SOD3: variants seen among roughly 807,000 people sequenced by gnomAD.
SOD3 encodes the protein extracellular superoxide dismutase [Cu-Zn].
A neutral mutation model predicts 2.6 loss-of-function variants in SOD3; 3 were observed. The ratio of observed to expected loss-of-function variants is 1.13; its 90% CI spans 0.52 to 2.93. The LOEUF (loss-of-function observed/expected upper bound fraction) is 2.93. Among genes scored for constraint, SOD3 ranks in the 30% most tolerant of loss-of-function variants. SOD3 has a pLI of 0.04. For missense variants in SOD3, 379 were observed against 370.4 expected (o/e 1.02, Z -0.19); for synonymous variants, 188 against 177.5 (o/e 1.06, Z -0.47).
At position 24,799,735 on chromosome 4, in the gene SOD3, G is replaced by C. The variant is rs908712505; in HGVS notation, c.214G>C (p.Asp72His). The C allele has an allele frequency of 6.4e-7, 1 of 1,562,370 alleles. No individual in the cohort carries two copies. Among genetic ancestry groups the C allele is most frequent in the Non-Finnish European group, 8.6e-7 (1 of 1,159,564 alleles). Residue 72 changes from aspartate to histidine, a missense_variant, in exon 2 of 2, where the codon GAC (aspartate) becomes CAC (histidine). By Grantham distance (81) the Asp-to-His change is moderately conservative (BLOSUM62 -1). Transcript: ENST00000382120. Reference sequence around the variant, plus strand: ...CCAGGTGCAGCCGTCGGCCACGCTGGACGCCGCGCAGCCCCGGGTGACCGG... The same window carrying C: ...CCAGGTGCAGCCGTCGGCCACGCTGCACGCCGCGCAGCCCCGGGTGACCGG... ...ACQVQPSATLDAAQPRVTGVV... is the reference protein window; with the variant it reads ...ACQVQPSATLHAAQPRVTGVV...
chr4:24,798,905 G>C (rs999014041), intron 1 of SOD3, among the ~76,000 whole-genome samples: 1 of 152,190 alleles, frequency 6.6e-6, no homozygotes, highest in African/African-American at 2.4e-5. Context: ...GTCCCTCACT[G>C]AACTCCTTAT....
Position 24,799,990 on chromosome 4 carries a change from T to A in SOD3, c.469T>A (p.Trp157Arg), listed in dbSNP as rs1269967037. The part of the protein sequence containing the change: ...GNFAVRDGSL[W>R]RYRAGLAASL... ...CTTCGCGGTCCGCGACGGCAGCCTCTGGAGGTACCGCGCCGGCCTGGCCGC... is the reference window on the plus strand; with the variant it reads ...CTTCGCGGTCCGCGACGGCAGCCTCAGGAGGTACCGCGCCGGCCTGGCCGC... Residue 157 changes from tryptophan to arginine, a missense_variant, in exon 2 of 2, where the codon TGG becomes AGG. Coordinates refer to ENST00000382120, the MANE Select transcript of SOD3 (RefSeq NM_003102.4). 1.3e-6 allele frequency: 2 copies of A among 1,578,040 alleles called. No homozygotes were observed. The highest frequency in any genetic ancestry group is 1.7e-6 in the Non-Finnish European group (2 of 1,170,750).
chr4:24,800,539 A>C lies in SOD3; in HGVS notation c.*295A>C. 3.5e-6 allele frequency: 1 copy of C among 284,900 alleles called. No homozygotes were observed. The allele number at this position is 284,900 out of a possible 1,614,324, so 17.6% of individuals were successfully genotyped here. On this transcript the variant is annotated 3_prime_UTR_variant, in exon 2 of 2. Transcript: ENST00000382120. The stretch of plus-strand genomic sequence containing the variant: ...CCTAGGCTCCCTGAGGTACCTTTCC[A>C]CCCAGACCCTCCTTCCCCACCCCAT...
In SOD3 at chr4:24,800,158, T is replaced by C; in HGVS notation, c.637T>C (p.Cys213Arg). 1 of 1,396,650 alleles carries C rather than the reference T, an allele frequency of 7.2e-7. No homozygotes were observed. The highest frequency in any genetic ancestry group is 9.2e-7 in the Non-Finnish European group (1 of 1,085,530). 86.5% of individuals were successfully genotyped at this position (1,396,650 alleles called of 1,614,324 possible). A position where few individuals can be genotyped will look rare whatever the true frequency, so the allele number is the denominator to read the frequency against. Residue 213 changes from cysteine to arginine, a missense_variant, in exon 2 of 2, where the codon TGC (cysteine) becomes CGC (arginine). Transcript: ENST00000382120. ...RRLACCVVGV[C>R]GPGLWERQAR... ...GCTGGCCTGCTGCGTGGTGGGCGTG[T>C]GCGGGCCCGGGCTCTGGGAGCGCCA...
rs945037659 is a variant in SOD3, at chr4:24,800,765, C to G, written c.*521C>G. 8 of 159,600 alleles carry G rather than the reference C, an allele frequency of 5.0e-5. No homozygotes were observed. Among genetic ancestry groups the G allele is most frequent in the African/African-American group, 1.9e-4 (8 of 41,472 alleles). 9.9% of individuals were successfully genotyped at this position (159,600 alleles called of 1,614,324 possible). A position where few individuals can be genotyped will look rare whatever the true frequency, so the allele number is the denominator to read the frequency against. On this transcript the variant is annotated 3_prime_UTR_variant, in exon 2 of 2. Coordinates refer to ENST00000382120, the MANE Select transcript of SOD3 (RefSeq NM_003102.4). ...GCGTCTTCAGCTGTTTCGCATCCAC[C>G]GCCACCCCACTGAGAGCTGCTCCTT...
intron 1 of SOD3, among the ~76,000 whole-genome samples, chr4:24,796,951 T>C (rs865848574): frequency 5.9e-5 from 9 of 152,232 alleles, no homozygotes; most frequent in South Asian, 2.1e-4. Flanking sequence ...GGGAACTTCA[T>C]GTCCAGGTCT....
At position 24,799,502 on chromosome 4, in the gene SOD3, G is replaced by A. The variant is rs755582421; in HGVS notation, c.-16-4G>A. ...GCCCCCACCTCCGCGGGGGCGTCCCGCAGGTGCCCGACTCCAGCCATGCTG... is the reference window on the plus strand; with the variant it reads ...GCCCCCACCTCCGCGGGGGCGTCCCACAGGTGCCCGACTCCAGCCATGCTG... On this transcript the variant is annotated splice_polypyrimidine_tract_variant and splice_region_variant and intron_variant, in intron 1 of 1. Transcript: ENST00000382120. 3.1e-6 allele frequency: 5 copies of A among 1,595,924 alleles called. No individual in the cohort carries two copies. The highest frequency in any genetic ancestry group is 2.2e-5 in the East Asian group (1 of 44,720).
At chr4:24,796,196 A>G (rs17878863) in intron 1 of SOD3, among the ~76,000 whole-genome samples, 9,178 of 152,220 alleles carry the variant, frequency 0.06, 400 homozygotes, top group Non-Finnish European at 0.088. Context: ...TCTTTCTCTG[A>G]TAACACTGTC....
At chr4:24,795,678 G>C (rs1170877588) in intron 1 of SOD3, 27 bp downstream of exon 1, 1 of 152,376 alleles carries the variant, frequency 6.6e-6, no homozygotes, top group South Asian at 2.1e-4. Context: ...GGTTCATTTT[G>C]TTCTTCTCGG....
Position 24,800,388 on chromosome 4 carries a change from A to T in SOD3, c.*144A>T. The T allele has an allele frequency of 1.2e-6, 1 of 860,654 alleles. No individual in the cohort carries two copies. The highest frequency in any genetic ancestry group is 1.6e-6 in the Non-Finnish European group (1 of 625,070). The allele number at this position is 860,654 out of a possible 1,614,324, so 53.3% of individuals were successfully genotyped here. A position where few individuals can be genotyped will look rare whatever the true frequency, so the allele number is the denominator to read the frequency against. On this transcript the variant is annotated 3_prime_UTR_variant, in exon 2 of 2. Coordinates refer to ENST00000382120, the MANE Select transcript of SOD3 (RefSeq NM_003102.4). ...TCTCCCCGCAGCCCTCTCCACCCAG[A>T]GGTCTCCCTATACCGAGACCCACCA...
At chr4:24,798,051 T>C (rs1212024226) in intron 1 of SOD3, among the ~76,000 whole-genome samples, 6 of 151,642 alleles carry the variant, frequency 4.0e-5, no homozygotes, top group African/African-American at 1.5e-4. Context: ...TTCTTTTCTT[T>C]CTTTCCTCTT....
At position 24,799,787 on chromosome 4, in the gene SOD3, C is replaced by T; in HGVS notation, c.266C>T (p.Pro89Leu). 6.3e-7 allele frequency: 1 copy of T among 1,584,070 alleles called. No homozygotes were observed. The highest frequency in any genetic ancestry group is 8.5e-7 in the Non-Finnish European group (1 of 1,171,692). ...TGVVLFRQLAPRAKLDAFFAL... is the reference protein window; with the variant it reads ...TGVVLFRQLALRAKLDAFFAL... Reference sequence around the variant, plus strand: ...GTCGTCCTCTTCCGGCAGCTTGCGCCCCGCGCCAAGCTCGACGCCTTCTTC... The same window carrying T: ...GTCGTCCTCTTCCGGCAGCTTGCGCTCCGCGCCAAGCTCGACGCCTTCTTC... The change falls in exon 2 of 2, where the codon CCC becomes CTC. Residue 89 changes from proline to leucine, a missense_variant. Coordinates refer to ENST00000382120, the MANE Select transcript of SOD3 (RefSeq NM_003102.4).
rs1278569466 is a variant in SOD3 at position 24,800,365 on chromosome 4, T to G, written c.*121T>G. The stretch of plus-strand genomic sequence containing the variant: ...TCTCACCTTCGCCTTTGCTGAAGTC[T>G]CCCCGCAGCCCTCTCCACCCAGAGG... On this transcript the variant is annotated 3_prime_UTR_variant, in exon 2 of 2. Transcript: ENST00000382120. 7.6e-6 allele frequency: 8 copies of G among 1,052,544 alleles called. No homozygotes were observed. The highest frequency in any genetic ancestry group is 1.0e-5 in the Non-Finnish European group (8 of 797,558). 65.2% of individuals were successfully genotyped at this position (1,052,544 alleles called of 1,614,324 possible). A position where few individuals can be genotyped will look rare whatever the true frequency, so the allele number is the denominator to read the frequency against.
chr4:24,796,675 T>C (rs527308879), intron 1 of SOD3, among the ~76,000 whole-genome samples: 1 of 150,274 alleles, frequency 6.7e-6, no homozygotes, highest in Non-Finnish European at 1.5e-5. Flanking sequence ...GTTGGTCTCA[T>C]ACTCTTGTAC....
chr4:24,796,412 TTCC>T (rs1422331336), intron 1 of SOD3, among the ~76,000 whole-genome samples: 178 of 149,616 alleles, frequency 1.2e-3, no homozygotes, highest in Non-Finnish European at 1.6e-3. Flanking sequence ...TTTCCCCCTT[TTCC>T]TCCTCCTCCT....
rs1478825486 is a variant in SOD3, at chr4:24,800,095, A to C, written c.574A>C (p.Asn192His). Reference sequence around the variant, plus strand: ...CGAGGACGACCTGGGCCGCGGCGGCAACCAGGCCAGCGTGGAGAACGGGAA... The same window carrying C: ...CGAGGACGACCTGGGCCGCGGCGGCCACCAGGCCAGCGTGGAGAACGGGAA... The part of the protein sequence containing the change: ...AGEDDLGRGG[N>H]QASVENGNAG... The change falls in exon 2 of 2, where the codon AAC (asparagine) becomes CAC (histidine). Residue 192 changes from asparagine (N) to histidine (H), a missense_variant. Coordinates refer to ENST00000382120, the MANE Select transcript of SOD3 (RefSeq NM_003102.4). 1.4e-6 allele frequency: 2 copies of C among 1,397,992 alleles called. No homozygotes were observed. The highest frequency in any genetic ancestry group is 6.0e-5 in the East Asian group (2 of 33,238). 86.6% of individuals were successfully genotyped at this position (1,397,992 alleles called of 1,614,324 possible).
At position 24,795,618 on chromosome 4, in the gene SOD3, C is replaced by G. The variant is rs2109068858; in HGVS notation, c.-50C>G. The G allele has an allele frequency of 6.6e-6, 1 of 152,446 alleles. No homozygotes were observed. The highest frequency in any genetic ancestry group is 1.5e-5 in the Non-Finnish European group (1 of 68,154). 9.4% of individuals were successfully genotyped at this position (152,446 alleles called of 1,614,324 possible). On this transcript the variant is annotated 5_prime_UTR_variant, in exon 1 of 2. Transcript: ENST00000382120. Reference sequence around the variant, plus strand: ...GGCTGGCTGGGTGCAGCTCTCTTTTCAGGAGAGAAAGCTCTCTTGGAGGAG... The same window carrying G: ...GGCTGGCTGGGTGCAGCTCTCTTTTGAGGAGAGAAAGCTCTCTTGGAGGAG...
At chr4:24,796,810 T>G (rs911289153) in intron 1 of SOD3, among the ~76,000 whole-genome samples, 2 of 152,142 alleles carry the variant, frequency 1.3e-5, no homozygotes, top group Non-Finnish European at 2.9e-5. Flanking sequence ...CCAAGGATTC[T>G]TGAAAAAGAA....
rs17879876 is a variant in SOD3 at position 24,799,792 on chromosome 4, G to T, written c.271G>T (p.Ala91Ser). 6.3e-7 allele frequency: 1 copy of T among 1,587,406 alleles called. No individual in the cohort carries two copies. The highest frequency in any genetic ancestry group is 2.3e-5 in the East Asian group (1 of 44,020). The change falls in exon 2 of 2, where the codon GCC becomes TCC. Residue 91 changes from alanine to serine, a missense_variant. Ala to Ser is a moderately conservative substitution (Grantham distance 99, BLOSUM62 1). Coordinates refer to ENST00000382120, the MANE Select transcript of SOD3 (RefSeq NM_003102.4). ...VVLFRQLAPRAKLDAFFALEG... is the reference protein window; with the variant it reads ...VVLFRQLAPRSKLDAFFALEG... ...CCTCTTCCGGCAGCTTGCGCCCCGC[G>T]CCAAGCTCGACGCCTTCTTCGCCCT...
Sources: allele counts gnomAD v4.1 joint callset (sites outside exome capture counted in the v4.1 genomes callset), GRCh38; gene constraint gnomAD v4.1.1; transcripts MANE v1.5; gene names NCBI Gene and HGNC (gene_info 2026-07-23, HGNC 2026-07-21).